Variants in PCSK2 observed in about 807,000 individuals in gnomAD.
The protein encoded by PCSK2 is neuroendocrine convertase 2.
In PCSK2, 14 loss-of-function variants were observed where a neutral mutation model predicts 69.7. The observed-to-expected ratio is 0.20, with a 90% CI of 0.13 to 0.31. The LOEUF is 0.31. PCSK2 is among the 10% of genes least tolerant of loss of function. The pLI is 1.00. For synonymous variants in PCSK2, 307 were observed against 320.7 expected (o/e 0.96, Z 0.46); for missense variants, 544 against 842.5 (o/e 0.65, Z 4.39).
intron 2 of PCSK2, chr20:17,263,178 C>T (rs1987459078): frequency 2.1e-6 from 2 of 969,116 alleles, no homozygotes; most frequent in Admixed American, 1.2e-4. Flanking sequence ...CTTTTTTTGA[C>T]TTCAGACCAG....
intron 5 of PCSK2, among the ~76,000 whole-genome samples, chr20:17,384,691 T>G (rs376054117): frequency 9.1e-4 from 138 of 152,062 alleles, no homozygotes; most frequent in Non-Finnish European, 1.6e-3. Flanking sequence ...CCCAGCACTT[T>G]GGGAGACTAG....
chr20:17,348,544 C>A (rs1255708324), intron 2 of PCSK2, among the ~76,000 whole-genome samples: 5 of 152,190 alleles, frequency 3.3e-5, no homozygotes, highest in African/African-American at 1.2e-4. Context: ...CCTAGCTAGA[C>A]TGCTGGAGTG....
intron 5 of PCSK2, among the ~76,000 whole-genome samples, chr20:17,398,289 C>T (rs979602981): frequency 6.6e-6 from 1 of 152,020 alleles, no homozygotes; most frequent in African/African-American, 2.4e-5. Flanking sequence ...CTTTAGGAGG[C>T]CAAGGTGGGA....
At position 17,375,971 on chromosome 20, in the gene PCSK2, T is replaced by C. The variant is rs111830072; in HGVS notation, c.543+6694T>C. ...GGGCCTTGTGACATGTTTTAAGCAA[T>C]AGAATAATCTAGAACTGACAGTGCC... On this transcript the variant is annotated intron_variant, in intron 5 of 11. Transcript: ENST00000262545. Among the ~76,000 whole-genome samples the C allele has an allele frequency of 4.4e-3, 676 of 152,292 alleles. 5 individuals are homozygous for C. The highest frequency in any genetic ancestry group is 0.015 in the African/African-American group (621 of 41,562).
chr20:17,310,383 AT>A (rs1226692082), intron 2 of PCSK2, among the ~76,000 whole-genome samples: 1 of 152,118 alleles, frequency 6.6e-6, no homozygotes, highest in Non-Finnish European at 1.5e-5. Context: ...TCATGATAAT[AT>A]TTTCTTATGT....
At chr20:17,318,197 A>G (rs1213495944) in intron 2 of PCSK2, among the ~76,000 whole-genome samples, 1 of 152,190 alleles carries the variant, frequency 6.6e-6, no homozygotes, top group Non-Finnish European at 1.5e-5. Context: ...CAAAGACAGA[A>G]CACTTCCAGC....
chr20:17,249,838 G>C (rs946638223), intron 1 of PCSK2, among the ~76,000 whole-genome samples: 5 of 151,850 alleles, frequency 3.3e-5, no homozygotes, highest in East Asian at 1.9e-4. Flanking sequence ...TCCAGGGCTG[G>C]GGGGGGAATG....
At chr20:17,382,486 C>T (rs901375114) in intron 5 of PCSK2, among the ~76,000 whole-genome samples, 1 of 152,100 alleles carries the variant, frequency 6.6e-6, no homozygotes, top group African/African-American at 2.4e-5. Flanking sequence ...CACATCTTAC[C>T]AAATGGCATC....
chr20:17,270,146 G>A (rs1280657707), intron 2 of PCSK2, among the ~76,000 whole-genome samples: 1 of 152,084 alleles, frequency 6.6e-6, no homozygotes, highest in Non-Finnish European at 1.5e-5. Context: ...ATATTTCTAA[G>A]ATAACGTTTT....
chr20:17,400,681 A>G (rs2031615485), intron 5 of PCSK2, among the ~76,000 whole-genome samples: 1 of 152,216 alleles, frequency 6.6e-6, no homozygotes, highest in Admixed American at 6.5e-5. Context: ...AAAGTACTGT[A>G]AAAAGACCCT....
rs1427520442 is a variant in PCSK2, at chr20:17,436,773, C to T, written c.775C>T (p.Pro259Ser). Residue 259 changes from proline to serine, a missense_variant, in exon 8 of 12, where the codon CCA (proline) becomes TCA (serine). Pro to Ser is a moderately conservative substitution (Grantham distance 74). This residue lies in a region of PCSK2 where 187 missense variants were observed against 399.8 expected (regional missense o/e 0.47). Transcript: ENST00000262545. ...CGAGGCCTCCTCCATCAGTCATATG[C>T]CACAGCTGATTGACATCTACAGCGC... ...IIEASSISHMPQLIDIYSASW... is the reference protein window; with the variant it reads ...IIEASSISHMSQLIDIYSASW... 16 of 1,613,852 alleles carry T rather than the reference C, an allele frequency of 9.9e-6. No individual in the cohort carries two copies. The Admixed American group carries it at 1.0e-4, about 10-fold the overall frequency.
intron 2 of PCSK2, among the ~76,000 whole-genome samples, chr20:17,302,159 AT>A (rs891494791): frequency 1.3e-5 from 2 of 152,094 alleles, no homozygotes; most frequent in African/African-American, 4.8e-5. Context: ...GAATATTCTT[AT>A]TGGGTTACAG....
At chr20:17,469,116 T>C (rs1369150015) in intron 11 of PCSK2, among the ~76,000 whole-genome samples, 1 of 152,250 alleles carries the variant, frequency 6.6e-6, no homozygotes, top group Admixed American at 6.5e-5. Flanking sequence ...TCCTCACCAT[T>C]TTCCAAAGCT....
In PCSK2 at chr20:17,479,405, G is replaced by A; in HGVS notation, c.1431-2179G>A. The A allele has an allele frequency of 6.2e-6, 4 of 649,918 alleles. 1 individual carries two copies. The highest frequency in any genetic ancestry group is 4.8e-5 in the South Asian group (3 of 62,152). 40.3% of individuals were successfully genotyped at this position (649,918 alleles called of 1,614,324 possible). A position where few individuals can be genotyped will look rare whatever the true frequency, so the allele number is the denominator to read the frequency against. Reference sequence around the variant, plus strand: ...CTTCCTCAGCATTGAGGCCAACCTCGTCGCAGTGGCGATGGTACTCCTCCA... The same window carrying A: ...CTTCCTCAGCATTGAGGCCAACCTCATCGCAGTGGCGATGGTACTCCTCCA... On this transcript the variant is annotated intron_variant, in intron 11 of 11. Transcript: ENST00000262545.
At chr20:17,266,227 T>A (rs1286875300) in intron 2 of PCSK2, among the ~76,000 whole-genome samples, 4 of 152,224 alleles carry the variant, frequency 2.6e-5, no homozygotes, top group Non-Finnish European at 5.9e-5. Context: ...GGAGTGGCCT[T>A]GAACTGAAGG....
chr20:17,347,314 G>A (rs1448752026), intron 2 of PCSK2, among the ~76,000 whole-genome samples: 1 of 152,090 alleles, frequency 6.6e-6, no homozygotes, highest in Non-Finnish European at 1.5e-5. Context: ...ACTGCCATGG[G>A]CCAAGTCTTC....
At chr20:17,232,691 G>T (rs112601697) in intron 1 of PCSK2, among the ~76,000 whole-genome samples, 4,202 of 152,202 alleles carry the variant, frequency 0.028, 179 homozygotes, top group African/African-American at 0.094. Context: ...CTTCTACTTT[G>T]TCAGGCAGCC....
intron 2 of PCSK2, 56 bp from the exon 3 acceptor site, chr20:17,358,271 C>T (rs756789532): frequency 1.8e-6 from 2 of 1,081,522 alleles, no homozygotes; most frequent in East Asian, 2.4e-5. Context: ...AAACAAATTC[C>T]AGAAGACAGA....
chr20:17,397,384 T>C (rs1054128179), intron 5 of PCSK2, among the ~76,000 whole-genome samples: 3 of 152,200 alleles, frequency 2.0e-5, no homozygotes, highest in Non-Finnish European at 4.4e-5. Context: ...TCAAAACTTG[T>C]TTAATAGCAG....
Sources: gnomAD v4.1 joint callset for allele counts (sites outside exome capture counted in the v4.1 genomes callset) on GRCh38, gnomAD v4.1.1 for gene constraint, gnomAD v4.1.1 regional missense constraint, MANE v1.5 for transcripts, NCBI Gene and HGNC (gene_info 2026-07-23, HGNC 2026-07-21) for gene names.